SZRD1: variants seen among roughly 807,000 people sequenced by gnomAD.
The protein encoded by SZRD1 is SUZ RNA binding domain containing 1.
In SZRD1, 7 loss-of-function variants were observed where a neutral mutation model predicts 17.6. The observed-to-expected ratio is 0.40, with a 90% CI of 0.23 to 0.75. The LOEUF is 0.75. SZRD1 is among the 30% of genes least tolerant of loss of function. SZRD1 has a pLI of 0.38. For synonymous variants in SZRD1, 77 were observed against 77.9 expected, an observed-to-expected ratio of 0.99 and a Z score of 0.06; for missense variants, 178 against 201.8, an observed-to-expected ratio of 0.88 and a Z score of 0.71.
At chr1:16,385,225 T>G (rs998017511) in intron 1 of SZRD1, among the ~76,000 whole-genome samples, 1 of 152,078 alleles carries the variant, frequency 6.6e-6, no homozygotes, top group African/African-American at 2.4e-5. Flanking sequence ...GACAGTACAG[T>G]CTTTTGGCTT....
rs546237141 is a variant in SZRD1 at position 16,387,737 on chromosome 1, G to A, written c.52-3638G>A. On this transcript the variant is annotated intron_variant, in intron 1 of 3. Coordinates refer to ENST00000401088, the MANE Select transcript of SZRD1 (RefSeq NM_001114600.3). ...GGCAGTCTTGTATTTAGAGTGGAGC[G>A]AAATGATACAGTATGAAACTTTAAA... The A allele has an allele frequency of 4.0e-4, 182 of 455,972 alleles. 1 individual carries two copies. The highest frequency in any genetic ancestry group is 2.7e-3 in the South Asian group (176 of 64,502). 28.2% of individuals were successfully genotyped at this position (455,972 alleles called of 1,614,324 possible).
chr1:16,370,727 C>T (rs573726761), intron 1 of SZRD1, among the ~76,000 whole-genome samples: 5 of 152,168 alleles, frequency 3.3e-5, no homozygotes, highest in Non-Finnish European at 7.4e-5. Context: ...ACCTTGAATT[C>T]TTGGGCTCTA....
chr1:16,374,687 A>G (rs1029876826), intron 1 of SZRD1, among the ~76,000 whole-genome samples: 1 of 152,216 alleles, frequency 6.6e-6, no homozygotes, highest in African/African-American at 2.4e-5. Flanking sequence ...TGGCCCCGAC[A>G]GCTAGCATCA....
intron 1 of SZRD1, among the ~76,000 whole-genome samples, chr1:16,390,950 G>A (rs1272955222): frequency 6.6e-6 from 1 of 152,132 alleles, no homozygotes; most frequent in Non-Finnish European, 1.5e-5. Context: ...CTTTGACTAG[G>A]TCTGCAAGCA....
At chr1:16,380,701 C>T (rs1000298752) in intron 1 of SZRD1, among the ~76,000 whole-genome samples, 1 of 152,198 alleles carries the variant, frequency 6.6e-6, no homozygotes, top group Non-Finnish European at 1.5e-5. Flanking sequence ...CTCCTGACCT[C>T]AGGTGATCTG....
chr1:16,386,653 G>A (rs973411017), intron 1 of SZRD1, among the ~76,000 whole-genome samples: 1 of 152,088 alleles, frequency 6.6e-6, no homozygotes, highest in Non-Finnish European at 1.5e-5. Context: ...CTGCTTGGGC[G>A]CCTCTGAGCA....
intron 1 of SZRD1, among the ~76,000 whole-genome samples, chr1:16,369,721 T>TCTA (rs2082879080): frequency 6.6e-6 from 1 of 151,980 alleles, no homozygotes; most frequent in Non-Finnish European, 1.5e-5. Context: ...AAACCCCATC[T>TCTA]CTACTAAAAA....
chr1:16,380,325 G>A (rs2083078252), intron 1 of SZRD1, among the ~76,000 whole-genome samples: 1 of 150,210 alleles, frequency 6.7e-6, no homozygotes, highest in Non-Finnish European at 1.5e-5. Context: ...TTATTTTTGA[G>A]CTGGAGTCTC....
intron 1 of SZRD1, among the ~76,000 whole-genome samples, chr1:16,378,627 A>G (rs2083042125): frequency 6.6e-6 from 1 of 151,914 alleles, no homozygotes; most frequent in Non-Finnish European, 1.5e-5. Context: ...CTTGGGAGTC[A>G]GCTGTTTTTG....
At chr1:16,376,145 A>T (rs562396377) in intron 1 of SZRD1, among the ~76,000 whole-genome samples, 3 of 152,296 alleles carry the variant, frequency 2.0e-5, no homozygotes, top group Admixed American at 6.5e-5. Flanking sequence ...GGAGGAAATC[A>T]TGTGGTCGGT....
intron 1 of SZRD1, among the ~76,000 whole-genome samples, chr1:16,380,803 T>C (rs896491999): frequency 2.0e-5 from 3 of 152,072 alleles, no homozygotes; most frequent in African/African-American, 7.2e-5. Flanking sequence ...GATGGGATTT[T>C]GCCATTTTGG....
intron 3 of SZRD1, among the ~76,000 whole-genome samples, chr1:16,394,689 C>T (rs900554227): frequency 6.7e-6 from 1 of 149,882 alleles, no homozygotes; most frequent in African/African-American, 2.4e-5. Context: ...ACATCTAGGC[C>T]AGGTGCAGTA....
In SZRD1 at chr1:16,391,734, T is replaced by A. The variant is rs1176318930; in HGVS notation, c.101+310T>A. On this transcript the variant is annotated intron_variant, in intron 2 of 3. Coordinates refer to ENST00000401088, the MANE Select transcript of SZRD1 (RefSeq NM_001114600.3). The surrounding 1 kb of genome is among the most constrained non-coding windows in gnomAD (Gnocchi z 4.3). ...GCAGTGCCCCAGTTGCTCTGAGGTC[T>A]GGGGCAAGTCATTTCCCAGATCTGG... 1.3e-5 allele frequency among the ~76,000 whole-genome samples: 2 copies of A among 152,114 alleles called. No homozygotes were observed. Among genetic ancestry groups the A allele is most frequent in the East Asian group, 3.8e-4 (2 of 5,198 alleles).
At chr1:16,368,445 T>G (rs1042451775) in intron 1 of SZRD1, among the ~76,000 whole-genome samples, 4 of 151,956 alleles carry the variant, frequency 2.6e-5, no homozygotes, top group African/African-American at 9.7e-5. Flanking sequence ...GAAACTTGGC[T>G]TTGAAGTTTT....
chr1:16,385,708 G>A (rs1253952477), intron 1 of SZRD1, among the ~76,000 whole-genome samples: 1 of 151,994 alleles, frequency 6.6e-6, no homozygotes, highest in Non-Finnish European at 1.5e-5. Flanking sequence ...CTCCTCCTTG[G>A]GAATGATCTT....
chr1:16,387,831 A>T (rs1209541379), intron 1 of SZRD1: 1 of 378,964 alleles, frequency 2.6e-6, no homozygotes, highest in Non-Finnish European at 5.1e-6. Context: ...TGTAGTACTT[A>T]CTCAGGTAAT....
intron 1 of SZRD1, among the ~76,000 whole-genome samples, chr1:16,379,739 A>G (rs1371569199): frequency 5.3e-5 from 8 of 150,800 alleles, no homozygotes; most frequent in Non-Finnish European, 1.0e-4. Flanking sequence ...AGATATATCT[A>G]TAAAATCCTG....
Position 16,393,624 on chromosome 1 carries a change from C to G in SZRD1, c.356+142C>G. ...TGCAGCTCCACTTGCTGATCCCAGC[C>G]TGCTGGCACTAGTTCACTGTGCCGC... is the stretch of plus-strand genomic sequence containing the variant. On this transcript the variant is annotated intron_variant, in intron 3 of 3. Coordinates refer to ENST00000401088, the MANE Select transcript of SZRD1 (RefSeq NM_001114600.3). The surrounding 1 kb of genome is among the most constrained non-coding windows in gnomAD (Gnocchi z 5.6). 1 of 909,890 alleles carries G rather than the reference C, an allele frequency of 1.1e-6. No individual in the cohort carries two copies. Among genetic ancestry groups the G allele is most frequent in the East Asian group, 2.6e-5 (1 of 37,796 alleles). The allele number at this position is 909,890 out of a possible 1,614,324, so 56.4% of individuals were successfully genotyped here.
intron 2 of SZRD1, among the ~76,000 whole-genome samples, chr1:16,392,152 G>T (rs1186363610): frequency 1.3e-5 from 2 of 152,128 alleles, no homozygotes; most frequent in South Asian, 2.1e-4. Context: ...CTCCTTGTCT[G>T]TCTGCTCATC....
Sources: gnomAD v4.1 joint callset for allele counts (sites outside exome capture counted in the v4.1 genomes callset) on GRCh38, gnomAD v4.1.1 for gene constraint, Gnocchi (gnomAD v3.1) non-coding constraint, MANE v1.5 for transcripts, NCBI Gene and HGNC (gene_info 2026-07-23, HGNC 2026-07-21) for gene names.